The following BMP6 variants were observed in gnomAD, a reference collection of about 807,000 sequenced individuals.
BMP6 encodes the protein VG-1-R.
Under a neutral mutation model 54.1 loss-of-function variants are expected in BMP6, and 17 were observed. The observed-to-expected ratio is 0.31, with a 90% CI of 0.22 to 0.47. BMP6 has a LOEUF of 0.47. Among genes scored for constraint, BMP6 ranks in the 20% least tolerant of loss-of-function variants. The pLI is 1.00. For missense variants in BMP6, 720 were observed against 690.4 expected (o/e 1.04, Z -0.48); for synonymous variants, 328 against 291.2 (o/e 1.13, Z -1.28).
chr6:7,815,346 A>G (rs1363199111), intron 1 of BMP6, among the ~76,000 whole-genome samples: 1 of 152,252 alleles, frequency 6.6e-6, no homozygotes, highest in Non-Finnish European at 1.5e-5. Flanking sequence ...TTCTGAATAA[A>G]AAATATCTGG....
intron 1 of BMP6, among the ~76,000 whole-genome samples, chr6:7,790,148 A>T (rs144850377): frequency 3.4e-4 from 52 of 152,236 alleles, no homozygotes; most frequent in African/African-American, 1.1e-3. Flanking sequence ...TCCTTTCCAG[A>T]AACCACTTGT....
chr6:7,727,103 C>G lies in BMP6; in HGVS notation c.148C>G (p.Pro50Ala). 1 of 1,409,112 alleles carries G rather than the reference C, an allele frequency of 7.1e-7. No individual in the cohort carries two copies. Among genetic ancestry groups the G allele is most frequent in the Non-Finnish European group, 9.3e-7 (1 of 1,078,632 alleles). The allele number at this position is 1,409,112 out of a possible 1,614,324, so 87.3% of individuals were successfully genotyped here. ...GCAGCTGCTGGGGGACGGCGGGAGCCCCGGCCGCACGGAGCAGCCGCCGCC... is the reference window on the plus strand; with the variant it reads ...GCAGCTGCTGGGGGACGGCGGGAGCGCCGGCCGCACGGAGCAGCCGCCGCC... Reference protein sequence around the residue: ...GGQLLGDGGSPGRTEQPPPSP... With the variant: ...GGQLLGDGGSAGRTEQPPPSP... Residue 50 changes from proline to alanine, a missense_variant, in exon 1 of 7, where the codon CCC becomes GCC. Coordinates refer to ENST00000283147, the MANE Select transcript of BMP6 (RefSeq NM_001718.6).
intron 4 of BMP6, among the ~76,000 whole-genome samples, chr6:7,865,601 A>G (rs1333543529): frequency 6.6e-6 from 1 of 152,172 alleles, no homozygotes; most frequent in Non-Finnish European, 1.5e-5. Context: ...ACCTGGAGAA[A>G]TGGCCTGTCT....
chr6:7,795,575 A>C (rs1018900774), intron 1 of BMP6, among the ~76,000 whole-genome samples: 7 of 152,138 alleles, frequency 4.6e-5, no homozygotes, highest in African/African-American at 1.7e-4. Flanking sequence ...CCATTGAGGG[A>C]GTTTAATCAG....
At chr6:7,840,669 G>A (rs1480688558) in intron 1 of BMP6, among the ~76,000 whole-genome samples, 1 of 152,020 alleles carries the variant, frequency 6.6e-6, no homozygotes, top group Non-Finnish European at 1.5e-5. Flanking sequence ...TTTTAGAAAT[G>A]CAGTGGTAGA....
chr6:7,847,568 G>A (rs1186524295), intron 2 of BMP6, among the ~76,000 whole-genome samples: 2 of 152,168 alleles, frequency 1.3e-5, no homozygotes, highest in Non-Finnish European at 2.9e-5. Flanking sequence ...GTAGTTGATG[G>A]ATTAACTCCA....
At position 7,861,444 on chromosome 6, in the gene BMP6, C is replaced by T. The variant is rs1487288600; in HGVS notation, c.858-7C>T. On this transcript the variant is annotated splice_region_variant and splice_polypyrimidine_tract_variant and intron_variant, in intron 2 of 6. Coordinates refer to ENST00000283147, the MANE Select transcript of BMP6 (RefSeq NM_001718.6). ...CTATTTACCAGGCCATTTTTTCTTT[C>T]TTTCAGAGACTCTGACCTGTTTTTG... 1 of 1,611,430 alleles carries T rather than the reference C, an allele frequency of 6.2e-7. No homozygotes were observed. Among genetic ancestry groups the T allele is most frequent in the Non-Finnish European group, 8.5e-7 (1 of 1,179,196 alleles).
At chr6:7,729,398 C>A (rs1326941435) in intron 1 of BMP6, among the ~76,000 whole-genome samples, 1 of 142,430 alleles carries the variant, frequency 7.0e-6, no homozygotes, top group Non-Finnish European at 1.5e-5. Flanking sequence ...GTAGTCCTAA[C>A]CTGGACAAAG....
chr6:7,825,279 TAAAAG>T, intron 1 of BMP6, among the ~76,000 whole-genome samples: 3 of 152,230 alleles, frequency 2.0e-5, no homozygotes, highest in Admixed American at 2.0e-4. Context: ...ACCCTATCTC[TAAAAG>T]AAAAGAAAAA....
intron 4 of BMP6, among the ~76,000 whole-genome samples, chr6:7,870,359 T>A (rs1267990622): frequency 6.6e-6 from 1 of 152,198 alleles, no homozygotes; most frequent in African/African-American, 2.4e-5. Context: ...TACCACTGAT[T>A]GCATCGTGCA....
In BMP6 at chr6:7,881,460, ATAATT is replaced by A. The variant is rs1249072702; in HGVS notation, c.*1120_*1124del. ...ACAGCTTTTTTTGTAAATATAAACT[ATAATT>A]TATTGTCTATTTTATATCTGTTTTG... On this transcript the variant is annotated 3_prime_UTR_variant, in exon 7 of 7. Coordinates refer to ENST00000283147, the MANE Select transcript of BMP6 (RefSeq NM_001718.6). The A allele has an allele frequency of 6.6e-6, 1 of 152,658 alleles. No individual in the cohort carries two copies. Among genetic ancestry groups the A allele is most frequent in the East Asian group, 1.9e-4 (1 of 5,200 alleles). 9.5% of individuals were successfully genotyped at this position (152,658 alleles called of 1,614,324 possible). A position where few individuals can be genotyped will look rare whatever the true frequency, so the allele number is the denominator to read the frequency against.
rs141187999 is a variant in BMP6, at chr6:7,871,830, A to G, written c.1205-7244A>G. On this transcript the variant is annotated intron_variant, in intron 4 of 6. Coordinates refer to ENST00000283147, the MANE Select transcript of BMP6 (RefSeq NM_001718.6). ...CTCTTGTCTAGAGGGCAGCAGTTCC[A>G]ATTCTGGTGTCACAGGCGCATGTGG... Among the ~76,000 whole-genome samples the G allele has an allele frequency of 3.0e-4, 45 of 152,260 alleles. 1 individual carries two copies. The East Asian group carries it at 8.5e-3, about 29-fold the overall frequency.
intron 1 of BMP6, among the ~76,000 whole-genome samples, chr6:7,776,350 T>G (rs1433694372): frequency 6.6e-6 from 1 of 152,230 alleles, no homozygotes; most frequent in Non-Finnish European, 1.5e-5. Flanking sequence ...TTATAGAGAC[T>G]TTGATTTAAT....
chr6:7,861,341 G>T (rs1702761165), intron 2 of BMP6, 110 bp from the exon 3 acceptor site: 2 of 1,386,422 alleles, frequency 1.4e-6, no homozygotes, highest in Non-Finnish European at 2.0e-6. Flanking sequence ...TGCCTCACAG[G>T]TAGATGTGAT....
At chr6:7,739,798 T>C (rs958477147) in intron 1 of BMP6, among the ~76,000 whole-genome samples, 20 of 152,198 alleles carry the variant, frequency 1.3e-4, no homozygotes, top group African/African-American at 3.9e-4. Context: ...AGGCAGCTAA[T>C]GACTGTCCTG....
chr6:7,740,800 A>C (rs1437248374), intron 1 of BMP6, among the ~76,000 whole-genome samples: 2 of 151,470 alleles, frequency 1.3e-5, no homozygotes, highest in Non-Finnish European at 2.9e-5. Context: ...GAAATCTCTT[A>C]CTCCCATCTT....
intron 1 of BMP6, among the ~76,000 whole-genome samples, chr6:7,778,484 G>T (rs1381207306): frequency 3.3e-5 from 5 of 151,698 alleles, no homozygotes; most frequent in Non-Finnish European, 1.5e-5. Context: ...TGTTGTGTCT[G>T]ACTCCAAATC....
intron 1 of BMP6, among the ~76,000 whole-genome samples, chr6:7,827,783 C>T (rs62387050): frequency 0.1 from 15,869 of 152,232 alleles, 1,020 homozygotes; most frequent in East Asian, 0.17. Context: ...ACAAATCTGT[C>T]ATACTTGAAT....
At chr6:7,772,558 A>T (rs577877192) in intron 1 of BMP6, among the ~76,000 whole-genome samples, 60 of 152,286 alleles carry the variant, frequency 3.9e-4, no homozygotes, top group African/African-American at 1.4e-3. Context: ...ACAACTGCCA[A>T]TGGGACCGAG....
Sources: gnomAD v4.1 joint callset for allele counts (sites outside exome capture counted in the v4.1 genomes callset) on GRCh38, gnomAD v4.1.1 for gene constraint, MANE v1.5 for transcripts, NCBI Gene and HGNC (gene_info 2026-07-23, HGNC 2026-07-21) for gene names.